MEF2C: variants seen among roughly 807,000 people sequenced by gnomAD.
MEF2C encodes the protein myocyte-specific enhancer factor 2C.
MEF2C carries 6 observed loss-of-function variants against 50.5 expected under a neutral mutation model. That is an observed-to-expected ratio of 0.12 (90% confidence interval 0.07 to 0.23). The LOEUF (loss-of-function observed/expected upper bound fraction) is 0.23, where lower values mean the gene tolerates loss of function less well. Ranked by LOEUF, MEF2C falls within the 10% of genes least tolerant of loss-of-function variation. The probability of loss-of-function intolerance (pLI) is 1.00; values close to 1 mark genes in which losing one functional copy is unlikely to be tolerated. For missense variants in MEF2C, 276 were observed against 605.0 expected, an observed-to-expected ratio of 0.46 and a Z score of 5.70; for synonymous variants, 183 against 228.0, an observed-to-expected ratio of 0.80 and a Z score of 1.78.
chr5:88,749,031 G>A (rs1191362217), intron 6 of MEF2C, 39 bp downstream of exon 6: 3 of 1,556,352 alleles, frequency 1.9e-6, no homozygotes, highest in African/African-American at 2.7e-5. Context: ...GAAGAACTCA[G>A]AACAATGATA....
chr5:88,892,512 G>C (rs1834700601), intron 1 of MEF2C, among the ~76,000 whole-genome samples: 1 of 152,040 alleles, frequency 6.6e-6, no homozygotes, highest in African/African-American at 2.4e-5. Flanking sequence ...CCTATACTGG[G>C]GTTATCACAG....
At chr5:88,884,171 G>A (rs529502327), upstream of MEF2C, among the ~76,000 whole-genome samples, 1 of 152,356 alleles carries the variant, frequency 6.6e-6, no homozygotes, top group Non-Finnish European at 1.5e-5. Flanking sequence ...CGGGGACGCT[G>A]CGAGCCAGCC....
chr5:88,761,065 G>A lies in MEF2C; in HGVS notation c.402+120C>T, dbSNP rs766366454. 4 of 1,613,788 alleles carry A rather than the reference G, an allele frequency of 2.5e-6. No individual in the cohort carries two copies. In the Admixed American group the frequency reaches 5.0e-5, roughly 20 times the overall value. On this transcript the variant is annotated intron_variant, in intron 4 of 10. Coordinates refer to ENST00000504921, the MANE Select transcript of MEF2C (RefSeq NM_002397.5). Reference sequence around the variant, plus strand: ...TATTTTTCTTCAGTGCGTGGGGTGAGTGCATAAGAGGAGTCGGGATCGGGG... The same window carrying A: ...TATTTTTCTTCAGTGCGTGGGGTGAATGCATAAGAGGAGTCGGGATCGGGG...
intron 4 of MEF2C, among the ~76,000 whole-genome samples, chr5:88,759,154 T>C (rs1000629114): frequency 6.6e-6 from 1 of 152,210 alleles, no homozygotes; most frequent in South Asian, 2.1e-4. Flanking sequence ...CAATGTATTA[T>C]ATAGCAAGAT....
intron 2 of MEF2C, chr5:88,819,469 C>G: frequency 1.3e-6 from 1 of 752,014 alleles, no homozygotes; most frequent in Non-Finnish European, 1.6e-6. Flanking sequence ...GGCTTAAGTC[C>G]CACTGATCTT....
chr5:88,762,764 A>C (rs1339763198), intron 3 of MEF2C, among the ~76,000 whole-genome samples: 1 of 152,172 alleles, frequency 6.6e-6, no homozygotes, highest in Non-Finnish European at 1.5e-5. Flanking sequence ...AGAGATGCAT[A>C]CCTAAGTGTC....
chr5:88,761,406 CT>C (rs1345625483), intron 3 of MEF2C, 78 bp from the exon 4 acceptor site: 1 of 1,499,468 alleles, frequency 6.7e-7, no homozygotes, highest in Admixed American at 2.2e-5. Context: ...GAAGTTCAAG[CT>C]GTCCAGTATT....
chr5:88,801,290 A>T (rs1231487049), intron 3 of MEF2C, among the ~76,000 whole-genome samples: 1 of 152,162 alleles, frequency 6.6e-6, no homozygotes, highest in Non-Finnish European at 1.5e-5. Flanking sequence ...TATTCAGTTA[A>T]ATGTATTCCA....
At chr5:88,886,332 C>T (rs1426490505), upstream of MEF2C, among the ~76,000 whole-genome samples, 1 of 151,968 alleles carries the variant, frequency 6.6e-6, no homozygotes, top group African/African-American at 2.4e-5. Flanking sequence ...TTTGTTTTTT[C>T]TTTAAAATCA....
At chr5:88,759,011 T>C (rs1382763096) in intron 4 of MEF2C, among the ~76,000 whole-genome samples, 3 of 152,224 alleles carry the variant, frequency 2.0e-5, no homozygotes, top group Admixed American at 6.5e-5. Context: ...ATCGCTTCCA[T>C]TGAGTGATCA....
At chr5:88,871,987 T>C (rs1829655394) in intron 1 of MEF2C, among the ~76,000 whole-genome samples, 1 of 152,054 alleles carries the variant, frequency 6.6e-6, no homozygotes, top group African/African-American at 2.4e-5. Flanking sequence ...GAAAATACAA[T>C]TCATTCATTT....
chr5:88,888,976 TCACA>T (rs1172037784), intron 1 of MEF2C: 3 of 152,242 alleles, frequency 2.0e-5, no homozygotes, highest in African/African-American at 7.2e-5. Flanking sequence ...GAATGGATTT[TCACA>T]CTTCCCCTTT....
intron 1 of MEF2C, among the ~76,000 whole-genome samples, chr5:88,844,034 T>C (rs1438715803): frequency 6.6e-6 from 1 of 152,070 alleles, no homozygotes; most frequent in Non-Finnish European, 1.5e-5. Context: ...ATGATCTTGA[T>C]CTCCTGACCT....
intron 1 of MEF2C, among the ~76,000 whole-genome samples, chr5:88,901,914 G>A (rs2604448): frequency 9.2e-5 from 14 of 151,868 alleles, no homozygotes; most frequent in African/African-American, 3.4e-4. Context: ...ATTATTTCCA[G>A]TAGCTTCATT....
rs185708931 is a variant in MEF2C at position 88,774,544 on chromosome 5, G to A, written c.259-13216C>T. Among the ~76,000 whole-genome samples the A allele has an allele frequency of 5.9e-3, 896 of 152,074 alleles. 2 individuals are homozygous for A. The highest frequency in any genetic ancestry group is 0.017 in the Middle Eastern group (5 of 294). The stretch of plus-strand genomic sequence containing the variant: ...TCACCGTGTTAGCCAGCATGGTCTC[G>A]ATCTCCTGACCTCGTGATCTGCCCG... On this transcript the variant is annotated intron_variant, in intron 3 of 10. Transcript: ENST00000504921.
Position 88,761,521 on chromosome 5 carries a change from G to A in MEF2C, c.259-193C>T, listed in dbSNP as rs546004305. On this transcript the variant is annotated intron_variant, in intron 3 of 10. Coordinates refer to ENST00000504921, the MANE Select transcript of MEF2C (RefSeq NM_002397.5). ...ATCAGCAGTTTAAAAAAATAAAAGC[G>A]AAAGATTCCTCTTGCAACTAAATTC... 1.1e-4 allele frequency among the ~76,000 whole-genome samples: 16 copies of A among 152,266 alleles called. No individual in the cohort carries two copies. In the East Asian group the frequency reaches 2.3e-3, roughly 22 times the overall value.
At chr5:88,838,484 C>A in intron 1 of MEF2C, 2 of 871,428 alleles carry the variant, frequency 2.3e-6, no homozygotes, top group Non-Finnish European at 2.8e-6. Context: ...GAAAAAGAAA[C>A]CCAAAAGAAT....
chr5:88,820,553 T>G (rs953425190), intron 2 of MEF2C, among the ~76,000 whole-genome samples: 8 of 152,042 alleles, frequency 5.3e-5, no homozygotes, highest in Non-Finnish European at 1.2e-4. Flanking sequence ...TTTCTTTTTC[T>G]GGAAAAAACA....
intron 3 of MEF2C, chr5:88,781,934 T>C (rs1580603663): frequency 1.2e-5 from 2 of 173,786 alleles, no homozygotes; most frequent in East Asian, 3.9e-4. Context: ...GATCGTGCCA[T>C]TGTACTCCAG....
Sources: allele counts gnomAD v4.1 joint callset (sites outside exome capture counted in the v4.1 genomes callset), GRCh38; gene constraint gnomAD v4.1.1; transcripts MANE v1.5; gene names NCBI Gene and HGNC (gene_info 2026-07-23, HGNC 2026-07-21).